WDFY1: variants seen among roughly 807,000 people sequenced by gnomAD.
WDFY1 encodes the protein WD repeat and FYVE domain-containing protein 1.
WDFY1 carries 32 observed loss-of-function variants against 56.4 expected under a neutral mutation model. That is an observed-to-expected ratio of 0.57 (90% CI 0.43 to 0.76). The LOEUF is 0.76. Among genes scored for constraint, WDFY1 ranks in the 30% least tolerant of loss-of-function variants. The pLI is 0.00. For synonymous variants in WDFY1, 192 were observed against 197.3 expected (o/e 0.97, Z 0.23); for missense variants, 480 against 545.7 (o/e 0.88, Z 1.20).
chr2:223,910,957 T>C (rs1386232809), intron 3 of WDFY1, among the ~76,000 whole-genome samples: 1 of 152,116 alleles, frequency 6.6e-6, no homozygotes, highest in Non-Finnish European at 1.5e-5. Flanking sequence ...TGCAAAAACA[T>C]GTACATGAAT....
chr2:223,899,061 A>G lies in WDFY1; in HGVS notation c.495T>C (p.Phe165=). The change falls in exon 6 of 12, where the codon TTT becomes TTC. Residue 165 remains phenylalanine, a synonymous_variant. Coordinates refer to ENST00000233055, the MANE Select transcript of WDFY1 (RefSeq NM_020830.5). ...TSWASCLQYD[F]DTQYAFVGDY... is the part of the protein sequence containing the mutation. Reference sequence around the variant, plus strand: ...CACCAACGAAAGCATACTGAGTGTCAAAGTCATATCTGAGGAGAAGCAGTC... The same window carrying G: ...CACCAACGAAAGCATACTGAGTGTCGAAGTCATATCTGAGGAGAAGCAGTC... 1 of 1,614,062 alleles carries G rather than the reference A, an allele frequency of 6.2e-7. No homozygotes were observed. The highest frequency in any genetic ancestry group is 1.1e-5 in the South Asian group (1 of 91,086).
chr2:223,944,363 G>C (rs1212984679), intron 1 of WDFY1, among the ~76,000 whole-genome samples: 1 of 152,280 alleles, frequency 6.6e-6, no homozygotes, highest in Non-Finnish European at 1.5e-5. Flanking sequence ...ACCCCGCCAG[G>C]GAGAGAGACC....
chr2:223,902,159 C>A (rs1693517702), intron 4 of WDFY1, among the ~76,000 whole-genome samples: 1 of 152,162 alleles, frequency 6.6e-6, no homozygotes, highest in East Asian at 1.9e-4. Flanking sequence ...GAGGGACTCT[C>A]CCCAAAAGTC....
chr2:223,885,309 G>A (rs1693154488), intron 8 of WDFY1, among the ~76,000 whole-genome samples: 1 of 152,060 alleles, frequency 6.6e-6, no homozygotes, highest in Admixed American at 6.6e-5. Context: ...TCCTGCCTCA[G>A]CCTCCCGAAT....
Position 223,876,084 on chromosome 2 carries a change from G to C in WDFY1, c.*2587C>G, listed in dbSNP as rs1416834658. ...AATTTGTTTCTACCTAATGCTATAG[G>C]GGTATTGCTATCATTTGAACTAAGA... On this transcript the variant is annotated 3_prime_UTR_variant, in exon 12 of 12. Coordinates refer to ENST00000233055, the MANE Select transcript of WDFY1 (RefSeq NM_020830.5). 3 of 152,254 alleles carry C rather than the reference G, an allele frequency of 2.0e-5. No homozygotes were observed. Among genetic ancestry groups the C allele is most frequent in the Non-Finnish European group, 2.9e-5 (2 of 67,966 alleles). 9.4% of individuals were successfully genotyped at this position (152,254 alleles called of 1,614,324 possible). A position where few individuals can be genotyped will look rare whatever the true frequency, so the allele number is the denominator to read the frequency against.
intron 1 of WDFY1, among the ~76,000 whole-genome samples, chr2:223,930,024 A>C (rs1284860597): frequency 6.6e-6 from 1 of 152,186 alleles, no homozygotes; most frequent in African/African-American, 2.4e-5. Flanking sequence ...AGAAGCAGTA[A>C]ATTACTTTTT....
rs1692973204 is a variant in WDFY1 at position 223,876,438 on chromosome 2, A to C, written c.*2233T>G. On this transcript the variant is annotated 3_prime_UTR_variant, in exon 12 of 12. Coordinates refer to ENST00000233055, the MANE Select transcript of WDFY1 (RefSeq NM_020830.5). Reference sequence around the variant, plus strand: ...CACCCCATTTGCTACCTAGCATATGAGAGAGACAAGACTAGCCTGTCACGT... The same window carrying C: ...CACCCCATTTGCTACCTAGCATATGCGAGAGACAAGACTAGCCTGTCACGT... The C allele has an allele frequency of 6.6e-6, 1 of 152,622 alleles. No individual in the cohort carries two copies. Among genetic ancestry groups the C allele is most frequent in the South Asian group, 2.1e-4 (1 of 4,832 alleles). The allele number at this position is 152,622 out of a possible 1,614,324, so 9.5% of individuals were successfully genotyped here.
Position 223,911,120 on chromosome 2 carries a change from T to A in WDFY1, c.279+1133A>T, listed in dbSNP as rs367894125. On this transcript the variant is annotated intron_variant, in intron 3 of 11. Coordinates refer to ENST00000233055, the MANE Select transcript of WDFY1 (RefSeq NM_020830.5). ...ACAGGCATGAACCTTGAAAACATTA[T>A]GTTAAGTGAAAGACAGACATAAAAG... 1.6e-4 allele frequency among the ~76,000 whole-genome samples: 24 copies of A among 152,304 alleles called. No homozygotes were observed. The South Asian group carries it at 4.1e-3, about 26-fold the overall frequency.
chr2:223,905,593 TAC>T (rs755855995), intron 4 of WDFY1, among the ~76,000 whole-genome samples: 15 of 152,020 alleles, frequency 9.9e-5, no homozygotes, highest in African/African-American at 3.6e-4. Context: ...ACTTATTCAA[TAC>T]ACACACACAA....
In WDFY1 at chr2:223,905,982, T is replaced by G; in HGVS notation, c.299A>C (p.Asp100Ala). The change falls in exon 4 of 12, where the codon GAT becomes GCT. Residue 100 changes from aspartate to alanine, a missense_variant. Coordinates refer to ENST00000233055, the MANE Select transcript of WDFY1 (RefSeq NM_020830.5). ...CTTGATAAAGTTCATTTTATTAAAA[T>G]CTTCAGAAACGTGAAATTCCTAAAA... is the stretch of plus-strand genomic sequence containing the variant. ...GAVMEFHVSE[D>A]FNKMNFIKTY... 6.3e-7 allele frequency: 1 copy of G among 1,580,668 alleles called. No homozygotes were observed. The highest frequency in any genetic ancestry group is 8.6e-7 in the Non-Finnish European group (1 of 1,166,494).
chr2:223,892,092 A>G (rs1574761037), intron 8 of WDFY1, among the ~76,000 whole-genome samples: 1 of 152,134 alleles, frequency 6.6e-6, no homozygotes, highest in African/African-American at 2.4e-5. Flanking sequence ...CTCCTGCCTC[A>G]GCCTCCCAAG....
chr2:223,912,876 A>G (rs1402898098), intron 2 of WDFY1, among the ~76,000 whole-genome samples: 3 of 152,202 alleles, frequency 2.0e-5, no homozygotes, highest in African/African-American at 7.2e-5. Context: ...AGGCTAGAGA[A>G]TGAGTTTCAG....
At position 223,877,390 on chromosome 2, in the gene WDFY1, C is replaced by T. The variant is rs1692989465; in HGVS notation, c.*1281G>A. 1 of 151,918 alleles carries T rather than the reference C, an allele frequency of 6.6e-6. No homozygotes were observed. The highest frequency in any genetic ancestry group is 2.1e-4 in the South Asian group (1 of 4,816). 9.4% of individuals were successfully genotyped at this position (151,918 alleles called of 1,614,324 possible). A position where few individuals can be genotyped will look rare whatever the true frequency, so the allele number is the denominator to read the frequency against. ...ATATTTGTCCTTTAAAAAGGTAGGC[C>T]CTTCTCCACTTACTTCCATATCCCT... On this transcript the variant is annotated 3_prime_UTR_variant, in exon 12 of 12. Coordinates refer to ENST00000233055, the MANE Select transcript of WDFY1 (RefSeq NM_020830.5).
At chr2:223,886,638 G>GA (rs1478725848) in intron 8 of WDFY1, among the ~76,000 whole-genome samples, 2 of 138,238 alleles carry the variant, frequency 1.4e-5, no homozygotes, top group Non-Finnish European at 3.0e-5. Context: ...GCTGAGGAGA[G>GA]AAAATCGCTT....
intron 8 of WDFY1, among the ~76,000 whole-genome samples, chr2:223,892,383 T>C (rs1693294747): frequency 6.6e-6 from 1 of 152,242 alleles, no homozygotes; most frequent in Admixed American, 6.5e-5. Flanking sequence ...AGCAGACATG[T>C]AATCCAAATT....
chr2:223,884,844 A>T, intron 8 of WDFY1, 95 bp from the exon 9 acceptor site: 67 of 942,430 alleles, frequency 7.1e-5, no homozygotes, highest in Non-Finnish European at 9.3e-5. Context: ...TGCCAAGGTT[A>T]GTATTTCTTT....
chr2:223,937,033 A>G (rs931256469), intron 1 of WDFY1, among the ~76,000 whole-genome samples: 2 of 152,234 alleles, frequency 1.3e-5, no homozygotes, highest in African/African-American at 4.8e-5. Context: ...GTATGACTAT[A>G]ATGTGTCAAT....
chr2:223,898,867 G>T, intron 6 of WDFY1, 91 bp downstream of exon 6: 1 of 943,982 alleles, frequency 1.1e-6, no homozygotes, highest in Non-Finnish European at 1.7e-6. Flanking sequence ...AGATCATGAG[G>T]AACACAGCAT....
intron 8 of WDFY1, among the ~76,000 whole-genome samples, chr2:223,894,028 G>A (rs1693320467): frequency 6.6e-6 from 1 of 152,112 alleles, no homozygotes; most frequent in African/African-American, 2.4e-5. Flanking sequence ...TATACTGCAT[G>A]TCATTGGTAG....
Sources: gnomAD v4.1 joint callset for allele counts (sites outside exome capture counted in the v4.1 genomes callset) on GRCh38, gnomAD v4.1.1 for gene constraint, MANE v1.5 for transcripts, NCBI Gene and HGNC (gene_info 2026-07-23, HGNC 2026-07-21) for gene names.